Variants in WWOX observed in about 807,000 individuals in gnomAD.
WWOX encodes the protein WW domain containing oxidoreductase, also known as WW domain-containing oxidoreductase.
Under a neutral mutation model 46.2 loss-of-function variants are expected in WWOX, and 69 were observed. The observed-to-expected ratio is 1.49, with a 90% CI of 1.23 to 1.82. The LOEUF (loss-of-function observed/expected upper bound fraction) is 1.82. Ranked by LOEUF, WWOX falls within the 40% of genes most tolerant of loss-of-function variation. The pLI is 0.00. For synonymous variants in WWOX, 359 were observed against 202.6 expected (o/e 1.77, Z -6.56); for missense variants, 919 against 542.6 (o/e 1.69, Z -6.89).
rs532932390 is a variant in WWOX at position 78,825,474 on chromosome 16, A to T, written c.1057-386134A>T. The T allele has an allele frequency of 6.8e-6, 3 of 441,166 alleles. No individual in the cohort carries two copies. The East Asian group carries it at 1.8e-4, about 26-fold the overall frequency. The allele number at this position is 441,166 out of a possible 1,614,324, so 27.3% of individuals were successfully genotyped here. A position where few individuals can be genotyped will look rare whatever the true frequency, so the allele number is the denominator to read the frequency against. On this transcript the variant is annotated intron_variant, in intron 8 of 8. Coordinates refer to ENST00000566780, the MANE Select transcript of WWOX (RefSeq NM_016373.4). ...ATGTTCCTGGTGAGAACAGCCAGGGATTCTGGAATTGACTGCTGTAGTTCA... is the reference window on the plus strand; with the variant it reads ...ATGTTCCTGGTGAGAACAGCCAGGGTTTCTGGAATTGACTGCTGTAGTTCA...
At chr16:78,415,972 A>G (rs138830442) in intron 6 of WWOX, among the ~76,000 whole-genome samples, 44 of 152,308 alleles carry the variant, frequency 2.9e-4, no homozygotes, top group African/African-American at 1.1e-3. Context: ...AGAAAGGTGG[A>G]GGGGCTTTAT....
At chr16:78,620,250 G>C (rs2046143725) in intron 8 of WWOX, among the ~76,000 whole-genome samples, 1 of 152,190 alleles carries the variant, frequency 6.6e-6, no homozygotes, top group African/African-American at 2.4e-5. Context: ...GTGCTGTTAG[G>C]AGGGCTGTTT....
intron 8 of WWOX, among the ~76,000 whole-genome samples, chr16:78,795,775 T>A (rs982840823): frequency 3.9e-5 from 6 of 152,202 alleles, no homozygotes; most frequent in Non-Finnish European, 8.8e-5. Context: ...AATACTGACA[T>A]CTAGCTAATG....
intron 8 of WWOX, among the ~76,000 whole-genome samples, chr16:79,184,307 C>G (rs1343446042): frequency 6.6e-6 from 1 of 152,178 alleles, no homozygotes; most frequent in Non-Finnish European, 1.5e-5. Context: ...GCCTACCATT[C>G]ATTTATTCAA....
At chr16:78,379,244 A>G (rs1197584033) in intron 5 of WWOX, among the ~76,000 whole-genome samples, 1 of 152,200 alleles carries the variant, frequency 6.6e-6, no homozygotes, top group East Asian at 1.9e-4. Flanking sequence ...GTTTTTCCGT[A>G]TGTGTAAGGG....
chr16:79,005,196 T>G (rs1453662697), intron 8 of WWOX, among the ~76,000 whole-genome samples: 3 of 152,094 alleles, frequency 2.0e-5, no homozygotes, highest in Non-Finnish European at 4.4e-5. Context: ...TGTTTGCCTG[T>G]GGACCTCAGG....
chr16:78,490,962 C>T (rs976301765), intron 8 of WWOX, among the ~76,000 whole-genome samples: 1 of 152,198 alleles, frequency 6.6e-6, no homozygotes, highest in African/African-American at 2.4e-5. Flanking sequence ...GCTTGGCTCA[C>T]CAGCCCCTGA....
At chr16:78,583,387 A>C (rs1401980671) in intron 8 of WWOX, among the ~76,000 whole-genome samples, 1 of 152,076 alleles carries the variant, frequency 6.6e-6, no homozygotes, top group East Asian at 1.9e-4. Flanking sequence ...AACCTTACCT[A>C]CTCAAGTGTA....
intron 5 of WWOX, among the ~76,000 whole-genome samples, chr16:78,194,430 A>G (rs571673609): frequency 1.3e-5 from 2 of 151,840 alleles, no homozygotes; most frequent in South Asian, 2.1e-4. Context: ...TCTACTAAAA[A>G]TACAAAAATT....
chr16:78,879,249 T>C (rs570080413), intron 8 of WWOX, among the ~76,000 whole-genome samples: 23 of 152,226 alleles, frequency 1.5e-4, no homozygotes, highest in African/African-American at 5.5e-4. Context: ...CGGGCAGGCT[T>C]TTGTGACAAT....
At chr16:78,137,099 G>A (rs1004117246) in intron 4 of WWOX, among the ~76,000 whole-genome samples, 1 of 152,156 alleles carries the variant, frequency 6.6e-6, no homozygotes, top group African/African-American at 2.4e-5. Context: ...AGTGGCAGAG[G>A]GGGTCAGGGA....
intron 5 of WWOX, among the ~76,000 whole-genome samples, chr16:78,290,157 A>T (rs984550878): frequency 2.0e-5 from 3 of 152,132 alleles, no homozygotes; most frequent in African/African-American, 7.2e-5. Context: ...TGGGGTTTCT[A>T]CACTGGAAGT....
intron 8 of WWOX, among the ~76,000 whole-genome samples, chr16:78,580,131 T>C (rs973557301): frequency 6.6e-6 from 1 of 151,640 alleles, no homozygotes; most frequent in Non-Finnish European, 1.5e-5. Flanking sequence ...TGGAGTGCAG[T>C]GGTGCAATCT....
chr16:79,070,958 A>G (rs1350355638), intron 8 of WWOX, among the ~76,000 whole-genome samples: 1 of 152,178 alleles, frequency 6.6e-6, no homozygotes, highest in East Asian at 1.9e-4. Flanking sequence ...GTGGTTTCTT[A>G]CTATGTCCCT....
At chr16:79,127,130 AAAC>A (rs1295351126) in intron 8 of WWOX, among the ~76,000 whole-genome samples, 1 of 152,120 alleles carries the variant, frequency 6.6e-6, no homozygotes, top group African/African-American at 2.4e-5. Context: ...TAGAAGATAA[AAAC>A]AAGGTGTATA....
chr16:79,032,681 T>TACAC (rs796429190), intron 8 of WWOX, among the ~76,000 whole-genome samples: 63 of 139,108 alleles, frequency 4.5e-4, no homozygotes, highest in South Asian at 1.1e-3. Context: ...TATATATATA[T>TACAC]ACACACACAC....
chr16:79,052,441 C>T (rs895481397), intron 8 of WWOX, among the ~76,000 whole-genome samples: 2 of 152,124 alleles, frequency 1.3e-5, no homozygotes, highest in South Asian at 4.1e-4. Flanking sequence ...GGTGTATACC[C>T]AAAGGACTAT....
At chr16:78,541,586 A>G (rs2043897034) in intron 8 of WWOX, among the ~76,000 whole-genome samples, 1 of 151,272 alleles carries the variant, frequency 6.6e-6, no homozygotes, top group African/African-American at 2.4e-5. Context: ...ATAGGGTATA[A>G]TTTAATTGTT....
intron 8 of WWOX, among the ~76,000 whole-genome samples, chr16:78,633,893 G>C (rs4035832): frequency 6.6e-6 from 1 of 151,434 alleles, no homozygotes; most frequent in Non-Finnish European, 1.5e-5. Flanking sequence ...AACCATCTGA[G>C]GTGTTTTTTT....
Sources: allele counts gnomAD v4.1 joint callset (sites outside exome capture counted in the v4.1 genomes callset), GRCh38; gene constraint gnomAD v4.1.1; transcripts MANE v1.5; gene names NCBI Gene and HGNC (gene_info 2026-07-23, HGNC 2026-07-21).